NSMAF: variants seen among roughly 807,000 people sequenced by gnomAD.
NSMAF encodes neutral sphingomyelinase activation associated factor, also known as protein FAN.
Under a neutral mutation model 134.9 loss-of-function variants are expected in NSMAF, and 90 were observed. The ratio of observed to expected loss-of-function variants is 0.67; its 90% CI spans 0.56 to 0.79. NSMAF has a LOEUF of 0.79. NSMAF is among the 30% of genes least tolerant of loss of function. The pLI, the probability that NSMAF is intolerant of heterozygous loss-of-function variation, is 0.00. For synonymous variants in NSMAF, 358 were observed against 389.6 expected, an observed-to-expected ratio of 0.92 and a Z score of 0.96; for missense variants, 1,010 against 1,119.0, an observed-to-expected ratio of 0.90 and a Z score of 1.39.
intron 16 of NSMAF, among the ~76,000 whole-genome samples, chr8:58,600,633 A>AT (rs1563527529): frequency 6.7e-6 from 1 of 148,292 alleles, no homozygotes; most frequent in African/African-American, 2.6e-5. Flanking sequence ...AAAAAAAAAA[A>AT]AAAAAAAAAA....
At chr8:58,659,337 G>A in intron 1 of NSMAF, 1 of 1,527,580 alleles carries the variant, frequency 6.5e-7, no homozygotes, top group Non-Finnish European at 8.8e-7. Flanking sequence ...AATCTGGCCT[G>A]GCCCGTCATC....
At chr8:58,654,388 T>C (rs575798504) in intron 1 of NSMAF, among the ~76,000 whole-genome samples, 1 of 152,226 alleles carries the variant, frequency 6.6e-6, no homozygotes, top group African/African-American at 2.4e-5. Flanking sequence ...CCATCTCTAC[T>C]AAAAACACAA....
chr8:58,603,818 G>C (rs1238658525), intron 12 of NSMAF, among the ~76,000 whole-genome samples: 1 of 151,912 alleles, frequency 6.6e-6, no homozygotes, highest in Non-Finnish European at 1.5e-5. Context: ...TTTTCTTTTA[G>C]GCTTGGAAGA....
At chr8:58,606,836 A>G (rs771349365) in intron 11 of NSMAF, among the ~76,000 whole-genome samples, 2 of 152,168 alleles carry the variant, frequency 1.3e-5, no homozygotes, top group Admixed American at 6.5e-5. Context: ...ATACAATACT[A>G]TCTACTTCAC....
At chr8:58,588,621 TGCG>T in intron 26 of NSMAF, 1 of 1,481,998 alleles carries the variant, frequency 6.7e-7, no homozygotes, top group South Asian at 1.1e-5. Context: ...CCCTGACTGC[TGCG>T]GCCTCCACTA....
At chr8:58,609,549 T>G in intron 10 of NSMAF, 55 bp downstream of exon 10, 1 of 1,602,042 alleles carries the variant, frequency 6.2e-7, no homozygotes, top group Non-Finnish European at 8.5e-7. Flanking sequence ...GAGGCCATGG[T>G]CTGGAAACAG....
intron 2 of NSMAF, among the ~76,000 whole-genome samples, chr8:58,637,718 A>C (rs541080917): frequency 5.1e-4 from 78 of 152,344 alleles, no homozygotes; most frequent in African/African-American, 1.8e-3. Flanking sequence ...TCTATCCAAA[A>C]AAGAAATTAC....
Position 58,659,554 on chromosome 8 carries a change from T to C in NSMAF, c.59+19A>G, listed in dbSNP as rs1323081147. On this transcript the variant is annotated intron_variant, in intron 1 of 30. Coordinates refer to ENST00000038176, the MANE Select transcript of NSMAF (RefSeq NM_003580.4). ...CCGACTAGGCCCCCGGCTGGGCCCTTCTTCAGCTGGGCGCGCACCTCTCCT... is the reference window on the plus strand; with the variant it reads ...CCGACTAGGCCCCCGGCTGGGCCCTCCTTCAGCTGGGCGCGCACCTCTCCT... The C allele has an allele frequency of 2.6e-6, 4 of 1,525,524 alleles. No homozygotes were observed. In the African/African-American group the frequency reaches 4.3e-5, roughly 16 times the overall value. 94.5% of individuals were successfully genotyped at this position (1,525,524 alleles called of 1,614,324 possible).
chr8:58,642,931 G>T, intron 2 of NSMAF, 53 bp downstream of exon 2: 3 of 1,313,606 alleles, frequency 2.3e-6, no homozygotes, highest in Non-Finnish European at 3.3e-6. Flanking sequence ...AACTTTAAAA[G>T]TTCAGATATC....
Position 58,597,884 on chromosome 8 carries a change from T to C in NSMAF, c.1604A>G (p.Tyr535Cys), listed in dbSNP as rs1313930185. The C allele has an allele frequency of 1.9e-6, 3 of 1,606,584 alleles. No individual in the cohort carries two copies. The highest frequency in any genetic ancestry group is 1.1e-5 in the South Asian group (1 of 90,876). ...CCTGTTCAAGTCTACACCTCCTTCATAGGTCAGGGGATGAAATACTGAAAA... is the reference window on the plus strand; with the variant it reads ...CCTGTTCAAGTCTACACCTCCTTCACAGGTCAGGGGATGAAATACTGAAAA... ...GAHNVFHPLT[Y>C]EGGVDLNSIQ... is the part of the protein sequence containing the mutation. The change falls in exon 20 of 31, where the codon TAT becomes TGT. Residue 535 changes from tyrosine to cysteine, a missense_variant. Tyr to Cys is a radical substitution (Grantham distance 194). Coordinates refer to ENST00000038176, the MANE Select transcript of NSMAF (RefSeq NM_003580.4).
chr8:58,593,751 T>C (rs1397012774), intron 23 of NSMAF, among the ~76,000 whole-genome samples: 1 of 152,244 alleles, frequency 6.6e-6, no homozygotes, highest in Non-Finnish European at 1.5e-5. Context: ...ATTTTGATAA[T>C]GTATAAGCAT....
intron 9 of NSMAF, among the ~76,000 whole-genome samples, chr8:58,612,450 G>A: frequency 6.6e-6 from 1 of 152,098 alleles, no homozygotes; most frequent in Non-Finnish European, 1.5e-5. Context: ...TTCTCATCTG[G>A]CTGTTCATCT....
At chr8:58,648,497 G>T (rs1230473371) in intron 1 of NSMAF, among the ~76,000 whole-genome samples, 1 of 152,164 alleles carries the variant, frequency 6.6e-6, no homozygotes, top group Non-Finnish European at 1.5e-5. Context: ...GGTTGCCAAG[G>T]GCTAATATCC....
At chr8:58,645,744 C>CAAA (rs199560463) in intron 1 of NSMAF, among the ~76,000 whole-genome samples, 2 of 150,608 alleles carry the variant, frequency 1.3e-5, no homozygotes, top group Non-Finnish European at 3.0e-5. Flanking sequence ...AGATGCTCAT[C>CAAA]AAAAAAAAAT....
At chr8:58,622,038 T>C (rs1806798128) in intron 9 of NSMAF, among the ~76,000 whole-genome samples, 1 of 152,240 alleles carries the variant, frequency 6.6e-6, no homozygotes, top group Non-Finnish European at 1.5e-5. Flanking sequence ...CATGAAATCT[T>C]TGCTGGGGCC....
chr8:58,626,557 G>A (rs1051282912), intron 6 of NSMAF, among the ~76,000 whole-genome samples: 1 of 152,174 alleles, frequency 6.6e-6, no homozygotes, highest in African/African-American at 2.4e-5. Context: ...TTTGTTTTAT[G>A]GCTCAGTAGT....
At position 58,652,692 on chromosome 8, in the gene NSMAF, C is replaced by G. The variant is rs188241357; in HGVS notation, c.59+6881G>C. Among the ~76,000 whole-genome samples the G allele has an allele frequency of 9.1e-4, 138 of 152,194 alleles. 1 individual carries two copies. Among genetic ancestry groups the G allele is most frequent in the Non-Finnish European group, 1.7e-3 (116 of 68,046 alleles). On this transcript the variant is annotated intron_variant, in intron 1 of 30. Transcript: ENST00000038176. ...TGACCTTTCTCTGTGAGGTACCCCC[C>G]CAACACCCCAGAGCACTCCAGCAAG...
intron 1 of NSMAF, among the ~76,000 whole-genome samples, chr8:58,652,577 C>T (rs933629428): frequency 2.0e-5 from 3 of 152,166 alleles, no homozygotes; most frequent in African/African-American, 7.2e-5. Flanking sequence ...CCCCTGGTCA[C>T]TCCCTGGAGT....
intron 2 of NSMAF, among the ~76,000 whole-genome samples, chr8:58,636,685 C>T (rs1050062821): frequency 3.3e-5 from 5 of 152,208 alleles, no homozygotes; most frequent in Non-Finnish European, 7.3e-5. Flanking sequence ...AAAGCAGCCA[C>T]ACACAGTATG....
Sources: allele counts gnomAD v4.1 joint callset (sites outside exome capture counted in the v4.1 genomes callset), GRCh38; gene constraint gnomAD v4.1.1; transcripts MANE v1.5; gene names NCBI Gene and HGNC (gene_info 2026-07-23, HGNC 2026-07-21).